RAB44: variants seen among roughly 807,000 people sequenced by gnomAD.
The protein encoded by RAB44 is RAB44, member RAS oncogene family.
A neutral mutation model predicts 93.3 loss-of-function variants in RAB44; 67 were observed. That is an observed-to-expected ratio of 0.72 (90% CI 0.59 to 0.88). The LOEUF (loss-of-function observed/expected upper bound fraction) is 0.88, where lower values mean the gene tolerates loss of function less well. Ranked by LOEUF, RAB44 falls within the 40% of genes least tolerant of loss-of-function variation. The pLI is 0.00. For synonymous variants in RAB44, 427 were observed against 520.3 expected, an observed-to-expected ratio of 0.82 and a Z score of 2.44; for missense variants, 1,064 against 1,261.7, an observed-to-expected ratio of 0.84 and a Z score of 2.37.
At chr6:36,710,825 T>C (rs895828116) in intron 2 of RAB44, among the ~76,000 whole-genome samples, 8 of 152,208 alleles carry the variant, frequency 5.3e-5, no homozygotes, top group Non-Finnish European at 1.0e-4. Context: ...GGTTTCACCA[T>C]GTTGGCTAGG....
intron 2 of RAB44, among the ~76,000 whole-genome samples, chr6:36,706,467 C>T (rs1762652977): frequency 6.6e-6 from 1 of 152,140 alleles, no homozygotes; most frequent in African/African-American, 2.4e-5. Flanking sequence ...TCTAAGGTCC[C>T]TCTTCTGCCA....
At chr6:36,704,775 T>G (rs115499711) in intron 2 of RAB44, among the ~76,000 whole-genome samples, 2,374 of 152,322 alleles carry the variant, frequency 0.016, 60 homozygotes, top group African/African-American at 0.054. Flanking sequence ...TGTCAATGAC[T>G]GTAAACTTCA....
In RAB44 at chr6:36,714,001, G is replaced by C. The variant is rs1045050742; in HGVS notation, c.319+62G>C. The stretch of plus-strand genomic sequence containing the variant: ...TGTTCCGTGCAGTGTGCCCTGCATG[G>C]GGCTAGGCTGGGTCGTTAGAAAGGC... On this transcript the variant is annotated intron_variant, in intron 3 of 13. Coordinates refer to ENST00000612677, the MANE Select transcript of RAB44 (RefSeq NM_001257357.2). 2.8e-6 allele frequency: 3 copies of C among 1,053,476 alleles called. No homozygotes were observed. In the African/African-American group the frequency reaches 4.7e-5, roughly 17 times the overall value. 65.3% of individuals were successfully genotyped at this position (1,053,476 alleles called of 1,614,324 possible).
At chr6:36,730,834 G>T in intron 13 of RAB44, 85 bp downstream of exon 13, 1 of 603,450 alleles carries the variant, frequency 1.7e-6, no homozygotes, top group Admixed American at 6.4e-5. Context: ...TTGACTCCCA[G>T]GTGGGACAGG....
intron 2 of RAB44, among the ~76,000 whole-genome samples, chr6:36,710,407 G>A (rs1051587904): frequency 2.0e-5 from 3 of 152,124 alleles, no homozygotes; most frequent in African/African-American, 4.8e-5. Context: ...ATGATATTCC[G>A]TTGTACATAT....
rs917625809 is a variant in RAB44, at chr6:36,731,857, C to T, written c.2976-146C>T. The stretch of plus-strand genomic sequence containing the variant: ...TCAAAGTCTCAGTGACTCAATTCTT[C>T]GGGTCTCATGTGGAATGCAGGGCAG... On this transcript the variant is annotated intron_variant, in intron 13 of 13. Coordinates refer to ENST00000612677, the MANE Select transcript of RAB44 (RefSeq NM_001257357.2). The surrounding 1 kb of genome is among the most constrained non-coding windows in gnomAD (Gnocchi z 4.0). 11 of 415,608 alleles carry T rather than the reference C, an allele frequency of 2.6e-5. No individual in the cohort carries two copies. Among genetic ancestry groups the T allele is most frequent in the Admixed American group, 4.4e-5 (1 of 22,530 alleles). The allele number at this position is 415,608 out of a possible 1,614,324, so 25.7% of individuals were successfully genotyped here. A position where few individuals can be genotyped will look rare whatever the true frequency, so the allele number is the denominator to read the frequency against.
rs540770573 is a variant in RAB44, at chr6:36,721,598, G to A, written c.1464G>A (p.Leu488=). The A allele has an allele frequency of 3.1e-5, 38 of 1,234,482 alleles. No individual in the cohort carries two copies. The African/African-American group carries it at 5.3e-4, about 17-fold the overall frequency. The allele number at this position is 1,234,482 out of a possible 1,614,324, so 76.5% of individuals were successfully genotyped here. Residue 488 remains leucine (L), a synonymous_variant, in exon 9 of 14, where the codon CTG becomes CTA. Transcript: ENST00000612677. The part of the protein sequence containing the change: ...GRLLWGLSGS[L]VAPAFKVLIP... ...TCCTCTGGGGTCTCTCAGGAAGCCTGGTGGCACCTGCATTCAAAGTGCTCA... is the reference window on the plus strand; with the variant it reads ...TCCTCTGGGGTCTCTCAGGAAGCCTAGTGGCACCTGCATTCAAAGTGCTCA...
chr6:36,715,732 G>A (rs12662733), intron 4 of RAB44, 79 bp downstream of exon 4: 65,772 of 1,439,434 alleles, frequency 0.046, 1,687 homozygotes, highest in Middle Eastern at 0.087. Context: ...CACAGCAGGG[G>A]TCAAGGGGGC....
intron 4 of RAB44, among the ~76,000 whole-genome samples, chr6:36,716,532 A>G (rs1267616057): frequency 6.6e-6 from 1 of 151,038 alleles, no homozygotes; most frequent in African/African-American, 2.4e-5. Flanking sequence ...GTCCCCTCCT[A>G]GGACCCCCGG....
chr6:36,730,426 G>T (rs780179686), intron 12 of RAB44, among the ~76,000 whole-genome samples: 2 of 152,158 alleles, frequency 1.3e-5, no homozygotes, highest in African/African-American at 2.4e-5. Flanking sequence ...ATGCCACTCC[G>T]AAGGCTGTGA....
intron 2 of RAB44, among the ~76,000 whole-genome samples, chr6:36,712,868 T>TC (rs1762821257): frequency 6.6e-6 from 1 of 152,194 alleles, no homozygotes; most frequent in Non-Finnish European, 1.5e-5. Context: ...CAATGGGGAA[T>TC]AACTTATCAG....
At chr6:36,727,447 C>G (rs966733349) in intron 10 of RAB44, 130 bp from the exon 11 acceptor site, 2 of 641,220 alleles carry the variant, frequency 3.1e-6, no homozygotes, top group African/African-American at 1.8e-5. Context: ...CTACACTGTA[C>G]GAAGAAAAGC....
At chr6:36,716,785 A>G (rs1393554249) in intron 4 of RAB44, among the ~76,000 whole-genome samples, 1 of 152,190 alleles carries the variant, frequency 6.6e-6, no homozygotes, top group Non-Finnish European at 1.5e-5. Context: ...TCATGACTTA[A>G]TTAAATCCAT....
At chr6:36,723,517 C>T (rs1763149750) in intron 9 of RAB44, among the ~76,000 whole-genome samples, 1 of 152,018 alleles carries the variant, frequency 6.6e-6, no homozygotes, top group Non-Finnish European at 1.5e-5. Flanking sequence ...GATATGTGGC[C>T]ACTGAACCCT....
chr6:36,727,713 T>C, intron 11 of RAB44, 22 bp downstream of exon 11: 1 of 1,478,108 alleles, frequency 6.8e-7, no homozygotes, highest in Non-Finnish European at 9.3e-7. Context: ...GCTGCTGGGG[T>C]TGGCCCCAGT....
intron 1 of RAB44, among the ~76,000 whole-genome samples, chr6:36,703,702 G>C (rs1217967816): frequency 6.6e-6 from 1 of 152,078 alleles, no homozygotes; most frequent in African/African-American, 2.4e-5. Context: ...GAGAGAAAAG[G>C]CTGGAGGAGA....
chr6:36,718,666 C>T, intron 7 of RAB44, 78 bp downstream of exon 7: 1 of 675,832 alleles, frequency 1.5e-6, no homozygotes, highest in East Asian at 3.4e-5. Context: ...CTATCAGAGA[C>T]ATGGAAATCA....
In RAB44 at chr6:36,722,068, T is replaced by C. The variant is rs1469778988; in HGVS notation, c.1934T>C (p.Leu645Pro). 5 of 1,226,326 alleles carry C rather than the reference T, an allele frequency of 4.1e-6. No individual in the cohort carries two copies. The highest frequency in any genetic ancestry group is 4.0e-6 in the Non-Finnish European group (4 of 988,290). 76.0% of individuals were successfully genotyped at this position (1,226,326 alleles called of 1,614,324 possible). A position where few individuals can be genotyped will look rare whatever the true frequency, so the allele number is the denominator to read the frequency against. Residue 645 changes from leucine (L) to proline (P), a missense_variant, in exon 9 of 14, where the codon CTT (leucine) becomes CCT (proline). Transcript: ENST00000612677. ...GCGGGCCCAGCGGTGCAGGAGGGCC[T>C]TCCTGAGGGGCTAAGAGAAGCTCAT... ...GQAGPAVQEG[L>P]PEGLREAHGQ...
At chr6:36,727,787 A>T (rs1310864110) in intron 11 of RAB44, 96 bp downstream of exon 11, 1 of 816,276 alleles carries the variant, frequency 1.2e-6, no homozygotes, top group African/African-American at 1.7e-5. Context: ...ATTACAAATG[A>T]CATGACAGAC....
Sources: allele counts gnomAD v4.1 joint callset (sites outside exome capture counted in the v4.1 genomes callset), GRCh38; gene constraint gnomAD v4.1.1; non-coding constraint Gnocchi (gnomAD v3.1); transcripts MANE v1.5; gene names NCBI Gene and HGNC (gene_info 2026-07-23, HGNC 2026-07-21).